The following PDE4D variants were observed in gnomAD, a reference collection of about 807,000 sequenced individuals.
PDE4D encodes the protein 3',5'-cyclic-AMP phosphodiesterase 4D.
In PDE4D, 24 loss-of-function variants were observed where a neutral mutation model predicts 87.4. That is an observed-to-expected ratio of 0.27 (90% CI 0.20 to 0.39). PDE4D has a LOEUF of 0.39. Among genes scored for constraint, PDE4D ranks in the 10% least tolerant of loss-of-function variants. PDE4D has a pLI of 1.00. For missense variants in PDE4D, 714 were observed against 1,041.0 expected (o/e 0.69, Z 4.32); for synonymous variants, 384 against 383.2 (o/e 1.00, Z -0.02).
rs1790239686 is a variant in PDE4D at position 59,399,815 on chromosome 5, A to G, written c.456-183847T>C. Among the ~76,000 whole-genome samples, 2 of 109,094 alleles carry G rather than the reference A, an allele frequency of 1.8e-5. 1 individual carries two copies. Among genetic ancestry groups the G allele is most frequent in the African/African-American group, 7.9e-5 (2 of 25,332 alleles). The allele number at this position is 109,094 out of a possible 152,430, so 71.6% of individuals were successfully genotyped here. The stretch of plus-strand genomic sequence containing the variant: ...CAGGCAACCTAGAAAATGGGAGAAA[A>G]TTTTCGCAACCTACTCATCTGACAA... On this transcript the variant is annotated intron_variant, in intron 1 of 14. Coordinates refer to ENST00000340635, the MANE Select transcript of PDE4D (RefSeq NM_001104631.2).
intron 1 of PDE4D, among the ~76,000 whole-genome samples, chr5:59,440,562 A>G (rs1230149533): frequency 1.3e-5 from 2 of 152,166 alleles, no homozygotes; most frequent in Non-Finnish European, 2.9e-5. Context: ...AGATCATCTG[A>G]GGTTGGGAGT....
intron 1 of PDE4D, among the ~76,000 whole-genome samples, chr5:59,872,713 A>C (rs746083738): frequency 6.6e-6 from 1 of 152,194 alleles, no homozygotes; most frequent in Non-Finnish European, 1.5e-5. Flanking sequence ...GAGTGTGCAC[A>C]TTTAAATACC....
chr5:59,141,452 T>G (rs913354521), intron 5 of PDE4D, among the ~76,000 whole-genome samples: 6 of 152,180 alleles, frequency 3.9e-5, no homozygotes, highest in Non-Finnish European at 7.3e-5. Context: ...TTCAGGATCT[T>G]GTTCCTTGGT....
rs546612814 is a variant in PDE4D, at chr5:59,797,003, T to C, written c.455+96165A>G. On this transcript the variant is annotated intron_variant, in intron 1 of 14. Coordinates refer to ENST00000340635, the MANE Select transcript of PDE4D (RefSeq NM_001104631.2). ...CTTTGAATAAACTTATCCTCTCAGC[T>C]TTTATTGTTCAGAATTGATTTCGAG... 9.8e-5 allele frequency: 15 copies of C among 152,298 alleles called. No homozygotes were observed. The East Asian group carries it at 2.9e-3, about 29-fold the overall frequency. The allele number at this position is 152,298 out of a possible 1,614,324, so 9.4% of individuals were successfully genotyped here. A position where few individuals can be genotyped will look rare whatever the true frequency, so the allele number is the denominator to read the frequency against.
chr5:59,985,149 T>TTTTTTTTTTTTTTTTTTTTTTTC (rs1762321925), intron 3 of PDE4D, among the ~76,000 whole-genome samples: 1 of 129,080 alleles, frequency 7.7e-6, no homozygotes, highest in African/African-American at 2.5e-5. Context: ...TTTTTTGTTT[T>TTTTTTTTTTTTTTTTTTTTTTTC]TTATTTTGAG....
upstream of PDE4D, chr5:60,488,566 A>G (rs1749335357): frequency 6.6e-6 from 1 of 151,682 alleles, no homozygotes; most frequent in Admixed American, 6.6e-5. Flanking sequence ...TTTGTTATGA[A>G]GTCTGAGGAG....
chr5:59,337,264 G>C (rs570626145), intron 1 of PDE4D, among the ~76,000 whole-genome samples: 2 of 151,454 alleles, frequency 1.3e-5, no homozygotes, highest in Admixed American at 6.6e-5. Context: ...AGCTTTTCAT[G>C]GTTCTTAAAA....
At chr5:59,345,951 G>C (rs1779540985) in intron 1 of PDE4D, among the ~76,000 whole-genome samples, 2 of 152,000 alleles carry the variant, frequency 1.3e-5, no homozygotes, top group Admixed American at 1.3e-4. Context: ...ATTCATAATG[G>C]CCTAAAACTG....
rs1822610131 is a variant in PDE4D at position 59,574,117 on chromosome 5, T to TATAA, written c.455+319050_455+319051insTTAT. 1.7e-3 allele frequency among the ~76,000 whole-genome samples: 6 copies of TATAA among 3,598 alleles called. No individual in the cohort carries two copies. In the Admixed American group the frequency reaches 0.038, roughly 23 times the overall value. 2.4% of individuals were successfully genotyped at this position (3,598 alleles called of 152,430 possible). ...ATAAATATATATTTATATATATATA[T>TATAA]AAATATATATTTATATATATATATA... On this transcript the variant is annotated intron_variant, in intron 1 of 14. Transcript: ENST00000340635.
chr5:59,241,678 G>A (rs1209878443), intron 1 of PDE4D, among the ~76,000 whole-genome samples: 2 of 152,128 alleles, frequency 1.3e-5, no homozygotes, highest in Non-Finnish European at 2.9e-5. Context: ...AGGGGACTAA[G>A]TTATGTAGTT....
At chr5:60,071,828 T>C (rs1206081003) in intron 2 of PDE4D, among the ~76,000 whole-genome samples, 5 of 152,294 alleles carry the variant, frequency 3.3e-5, no homozygotes, top group Admixed American at 2.0e-4. Flanking sequence ...GCTCTATCCA[T>C]GTTCCCGCAA....
intron 1 of PDE4D, chr5:59,216,950 A>G (rs963189131): frequency 4.7e-6 from 1 of 212,882 alleles, no homozygotes; most frequent in African/African-American, 2.4e-5. Flanking sequence ...CCATTCCTAG[A>G]TTGTGAGCTC....
chr5:60,031,046 T>C (rs1458356007), intron 2 of PDE4D: 3 of 152,218 alleles, frequency 2.0e-5, no homozygotes, highest in Non-Finnish European at 4.4e-5. Context: ...AAAATAGATA[T>C]AGAATAATGT....
chr5:59,792,525 C>T (rs994019017), intron 1 of PDE4D, among the ~76,000 whole-genome samples: 3 of 151,600 alleles, frequency 2.0e-5, no homozygotes, highest in African/African-American at 4.9e-5. Context: ...TGCAACAATG[C>T]ATGTGATGTA....
chr5:59,477,896 A>G lies in PDE4D; in HGVS notation c.456-261928T>C, dbSNP rs548457735. On this transcript the variant is annotated intron_variant, in intron 1 of 14. Transcript: ENST00000340635. Reference sequence around the variant, plus strand: ...GCAAAATCATGTCCTCTGCAGCAACATGGATGCAACTGGAGGCCATAATCC... The same window carrying G: ...GCAAAATCATGTCCTCTGCAGCAACGTGGATGCAACTGGAGGCCATAATCC... Among the ~76,000 whole-genome samples, 24 of 152,230 alleles carry G rather than the reference A, an allele frequency of 1.6e-4. No homozygotes were observed. In the East Asian group the frequency reaches 4.6e-3, roughly 29 times the overall value.
chr5:59,814,457 G>C (rs1295182607), intron 1 of PDE4D, among the ~76,000 whole-genome samples: 1 of 152,140 alleles, frequency 6.6e-6, no homozygotes, highest in African/African-American at 2.4e-5. Context: ...CCAGGATAGG[G>C]GCCAGCTTCC....
intron 1 of PDE4D, among the ~76,000 whole-genome samples, chr5:59,877,766 C>A (rs1268906134): frequency 3.3e-5 from 5 of 152,000 alleles, no homozygotes; most frequent in African/African-American, 1.2e-4. Flanking sequence ...TTGCAGTGAG[C>A]CAAGATCGCG....
chr5:59,546,828 C>G (rs974526963), intron 1 of PDE4D, among the ~76,000 whole-genome samples: 6 of 152,162 alleles, frequency 3.9e-5, no homozygotes, highest in Admixed American at 2.6e-4. Context: ...CTGAATCCAG[C>G]TGGATATCTC....
chr5:59,291,202 T>C (rs1408265586), intron 1 of PDE4D, among the ~76,000 whole-genome samples: 1 of 151,986 alleles, frequency 6.6e-6, no homozygotes, highest in Non-Finnish European at 1.5e-5. Flanking sequence ...AACAGGCAAA[T>C]AGATAAAGAA....
Sources: allele counts gnomAD v4.1 joint callset (sites outside exome capture counted in the v4.1 genomes callset), GRCh38; gene constraint gnomAD v4.1.1; transcripts MANE v1.5; gene names NCBI Gene and HGNC (gene_info 2026-07-23, HGNC 2026-07-21).